TDRD9: variants seen among roughly 807,000 people sequenced by gnomAD.
The protein encoded by TDRD9 is tudor domain containing 9, also known as ATP-dependent RNA helicase TDRD9.
A neutral mutation model predicts 172.6 loss-of-function variants in TDRD9; 124 were observed. The observed-to-expected ratio is 0.72, with a 90% CI of 0.62 to 0.83. The LOEUF (loss-of-function observed/expected upper bound fraction) is 0.83, where lower values mean the gene tolerates loss of function less well. TDRD9 is among the 40% of genes least tolerant of loss of function. The probability of loss-of-function intolerance (pLI) is 0.00; values close to 1 mark genes in which losing one functional copy is unlikely to be tolerated. For missense variants in TDRD9, 1,479 were observed against 1,714.1 expected (o/e 0.86, Z 2.42); for synonymous variants, 619 against 617.1 (o/e 1.00, Z -0.05).
chr14:104,017,125 C>T (rs2034816135), intron 22 of TDRD9, among the ~76,000 whole-genome samples: 1 of 152,092 alleles, frequency 6.6e-6, no homozygotes, highest in Non-Finnish European at 1.5e-5. Context: ...GGCTTCCTCT[C>T]TCACCCCTCT....
Position 104,004,263 on chromosome 14 carries a change from G to A in TDRD9, c.1509G>A (p.Gly503=), listed in dbSNP as rs904701035. 1.2e-6 allele frequency: 2 copies of A among 1,602,192 alleles called. No individual in the cohort carries two copies. The highest frequency in any genetic ancestry group is 1.3e-5 in the African/African-American group (1 of 74,926). ...RKGRAGRVSR[G]YCYRLVHKDF... Reference sequence around the variant, plus strand: ...GCCGTGCTGGACGAGTGTCTAGAGGGTACTGTTACCGGCTGGTACACAAGG... The same window carrying A: ...GCCGTGCTGGACGAGTGTCTAGAGGATACTGTTACCGGCTGGTACACAAGG... Residue 503 remains glycine, a synonymous_variant, in exon 14 of 36, where the codon GGG becomes GGA. Transcript: ENST00000409874.
At chr14:103,998,353 G>A (rs2034130754) in intron 12 of TDRD9, among the ~76,000 whole-genome samples, 1 of 152,082 alleles carries the variant, frequency 6.6e-6, no homozygotes, top group South Asian at 2.1e-4. Flanking sequence ...ACTCTTTCGG[G>A]TGCAGTCCAG....
chr14:103,943,282 CACCACAGGTGCATGCT>C (rs1216951641), intron 1 of TDRD9, among the ~76,000 whole-genome samples: 1 of 151,710 alleles, frequency 6.6e-6, no homozygotes, highest in Non-Finnish European at 1.5e-5. Context: ...AGGTGCATGC[CACCACAGGTGCATGCT>C]ACGGCATGCC....
At chr14:103,958,370 C>A (rs1028512789) in intron 2 of TDRD9, among the ~76,000 whole-genome samples, 1 of 152,018 alleles carries the variant, frequency 6.6e-6, no homozygotes, top group African/African-American at 2.4e-5. Context: ...AAAGAGGGGC[C>A]AGTGCTGCTA....
chr14:103,930,917 C>T (rs2030344018), intron 1 of TDRD9, among the ~76,000 whole-genome samples: 1 of 151,768 alleles, frequency 6.6e-6, no homozygotes, highest in African/African-American at 2.4e-5. Context: ...CCTTCATGGA[C>T]TGAGACTTTT....
chr14:104,036,288 C>T (rs911614333), intron 32 of TDRD9, among the ~76,000 whole-genome samples: 8 of 152,108 alleles, frequency 5.3e-5, no homozygotes, highest in Non-Finnish European at 1.0e-4. Context: ...ATTATACATG[C>T]ACTTGTTTCT....
In TDRD9 at chr14:104,027,000, C is replaced by T. The variant is rs577521639; in HGVS notation, c.3282+61C>T. 1,126 of 1,564,236 alleles carry T rather than the reference C, an allele frequency of 7.2e-4. 1 individual carries two copies. The highest frequency in any genetic ancestry group is 9.2e-4 in the Non-Finnish European group (1,064 of 1,150,582). On this transcript the variant is annotated intron_variant, in intron 28 of 35. Coordinates refer to ENST00000409874, the MANE Select transcript of TDRD9 (RefSeq NM_153046.3). ...TGTGAGAGAGAACGGGGCAGGCTTT[C>T]CTTCCTCTGTGGACCCTGAGATAGG...
At chr14:103,965,169 G>A (rs919666687) in intron 3 of TDRD9, among the ~76,000 whole-genome samples, 164 bp from the exon 4 acceptor site, 5 of 152,008 alleles carry the variant, frequency 3.3e-5, no homozygotes, top group African/African-American at 7.2e-5. Flanking sequence ...CCGAGATTGC[G>A]CCCCTGCACT....
chr14:104,003,831 C>T (rs573166281), intron 13 of TDRD9, among the ~76,000 whole-genome samples: 1 of 152,026 alleles, frequency 6.6e-6, no homozygotes, highest in South Asian at 2.1e-4. Flanking sequence ...GCTGAGACAG[C>T]TCCTCGATGG....
intron 13 of TDRD9, 150 bp from the exon 14 acceptor site, chr14:104,004,088 A>C (rs2034352570): frequency 4.4e-6 from 2 of 450,028 alleles, no homozygotes; most frequent in Non-Finnish European, 8.1e-6. Context: ...AGAATACACT[A>C]ATGTATTCTA....
intron 14 of TDRD9, among the ~76,000 whole-genome samples, chr14:104,004,781 A>G (rs767676257): frequency 2.6e-5 from 4 of 152,218 alleles, no homozygotes; most frequent in Non-Finnish European, 4.4e-5. Flanking sequence ...ACTATTGATT[A>G]CACATCAGGC....
chr14:103,932,384 A>G (rs2152113428), intron 1 of TDRD9, among the ~76,000 whole-genome samples: 1 of 152,116 alleles, frequency 6.6e-6, no homozygotes, highest in South Asian at 2.1e-4. Context: ...GACATAGGGG[A>G]GGGATGGCTT....
rs1207779569 is a variant in TDRD9 at position 103,931,008 on chromosome 14, T to C, written c.215+2284T>C. On this transcript the variant is annotated intron_variant, in intron 1 of 35. Coordinates refer to ENST00000409874, the MANE Select transcript of TDRD9 (RefSeq NM_153046.3). ...TAATCGCAGTTAAAAAATTATTAGA[T>C]TCAATCTGGGTGTGGTGGCTCCCAC... Among the ~76,000 whole-genome samples the C allele has an allele frequency of 2.0e-5, 3 of 152,214 alleles. No individual in the cohort carries two copies. The East Asian group carries it at 5.8e-4, about 29-fold the overall frequency.
chr14:104,026,633 TG>T lies in TDRD9; in HGVS notation c.3022-45del, dbSNP rs1324655496. ...TCAGTGGTATTTGGGATGAGTGTTT[TG>T]CTTATTTATAAAGCTGTTTGAGCTG... is the stretch of plus-strand genomic sequence containing the variant. On this transcript the variant is annotated intron_variant, in intron 27 of 35. Coordinates refer to ENST00000409874, the MANE Select transcript of TDRD9 (RefSeq NM_153046.3). 4 of 1,596,810 alleles carry T rather than the reference TG, an allele frequency of 2.5e-6. No homozygotes were observed. In the Admixed American group the frequency reaches 6.8e-5, roughly 27 times the overall value.
intron 6 of TDRD9, among the ~76,000 whole-genome samples, chr14:103,974,515 G>A (rs1001847779): frequency 3.9e-5 from 6 of 152,206 alleles, no homozygotes; most frequent in Admixed American, 6.5e-5. Context: ...CTGCACCACT[G>A]TCGTCCTGGG....
rs1280781778 is a variant in TDRD9 at position 104,049,122 on chromosome 14, G to GTA, written c.3975-485_3975-484insAT. On this transcript the variant is annotated intron_variant, in intron 34 of 35. Coordinates refer to ENST00000409874, the MANE Select transcript of TDRD9 (RefSeq NM_153046.3). ...GGTATGTATGTATGTATGTATGTAT[G>GTA]TGTGTGTGTGTGTGTGTGTGTGTGT... Among the ~76,000 whole-genome samples, 439 of 139,706 alleles carry GTA rather than the reference G, an allele frequency of 3.1e-3. 1 individual carries two copies. The highest frequency in any genetic ancestry group is 0.014 in the Middle Eastern group (4 of 278). The allele number at this position is 139,706 out of a possible 152,430, so 91.7% of individuals were successfully genotyped here.
At chr14:104,008,811 A>T (rs1317400787) in intron 20 of TDRD9, among the ~76,000 whole-genome samples, 1 of 152,196 alleles carries the variant, frequency 6.6e-6, no homozygotes, top group Non-Finnish European at 1.5e-5. Context: ...CTTCTGGGAA[A>T]GCTGAGGTGA....
intron 1 of TDRD9, among the ~76,000 whole-genome samples, chr14:103,953,954 GT>G (rs2032073121): frequency 6.6e-6 from 1 of 152,132 alleles, no homozygotes; most frequent in African/African-American, 2.4e-5. Context: ...CAGAAAAAAT[GT>G]TTTACCAGCT....
At chr14:104,021,120 C>A (rs947829975) in intron 23 of TDRD9, among the ~76,000 whole-genome samples, 1 of 152,124 alleles carries the variant, frequency 6.6e-6, no homozygotes, top group African/African-American at 2.4e-5. Flanking sequence ...AGGAAACTTA[C>A]AATCATGGTG....
Sources: gnomAD v4.1 joint callset for allele counts (sites outside exome capture counted in the v4.1 genomes callset) on GRCh38, gnomAD v4.1.1 for gene constraint, MANE v1.5 for transcripts, NCBI Gene and HGNC (gene_info 2026-07-23, HGNC 2026-07-21) for gene names.